The following NLGN1 variants were observed in gnomAD, a reference collection of about 807,000 sequenced individuals.
NLGN1 encodes the protein neuroligin-1.
NLGN1 carries 12 observed loss-of-function variants against 65.5 expected under a neutral mutation model. The observed-to-expected ratio is 0.18, with a 90% CI of 0.12 to 0.30. The LOEUF (loss-of-function observed/expected upper bound fraction) is 0.30. NLGN1 is among the 10% of genes least tolerant of loss of function. The probability of loss-of-function intolerance (pLI) is 1.00; values close to 1 mark genes in which losing one functional copy is unlikely to be tolerated. For synonymous variants in NLGN1, 350 were observed against 359.5 expected, an observed-to-expected ratio of 0.97 and a Z score of 0.30; for missense variants, 750 against 1,007.1, an observed-to-expected ratio of 0.74 and a Z score of 3.46.
chr3:173,578,782 A>C (rs1695207074), intron 2 of NLGN1, among the ~76,000 whole-genome samples: 1 of 152,220 alleles, frequency 6.6e-6, no homozygotes, highest in African/African-American at 2.4e-5. Context: ...TATCAAGAGA[A>C]CCTGCTCTGA....
chr3:174,062,739 TGAAA>T (rs1737685912), intron 4 of NLGN1, among the ~76,000 whole-genome samples: 1 of 152,034 alleles, frequency 6.6e-6, no homozygotes, highest in Non-Finnish European at 1.5e-5. Context: ...ATCTTTGTGA[TGAAA>T]GAAACAATAT....
At chr3:174,230,099 T>C (rs903925108) in intron 4 of NLGN1, among the ~76,000 whole-genome samples, 23 of 152,100 alleles carry the variant, frequency 1.5e-4, no homozygotes, top group Admixed American at 1.2e-3. Context: ...TATGGCAGTG[T>C]GGTGAAATGC....
rs191041602 is a variant in NLGN1 at position 173,576,019 on chromosome 3, T to G, written c.-320-28260T>G. On this transcript the variant is annotated intron_variant, in intron 2 of 6. Coordinates refer to ENST00000457714, the Ensembl canonical transcript of NLGN1. ...GGCCATTGAGCTATTGAAAAGGAAT[T>G]ATTCCAAGTTGAGATGTACTCTAAA... Among the ~76,000 whole-genome samples, 27 of 152,300 alleles carry G rather than the reference T, an allele frequency of 1.8e-4. No homozygotes were observed. The East Asian group carries it at 4.6e-3, about 26-fold the overall frequency.
At chr3:174,211,495 G>C (rs6445157) in intron 4 of NLGN1, among the ~76,000 whole-genome samples, 108,198 of 149,018 alleles carry the variant, frequency 0.73, 39,249 homozygotes, top group East Asian at 0.77. Flanking sequence ...TAAACACAGG[G>C]TGCTGATTGG....
At chr3:174,114,528 A>G (rs1715938166) in intron 4 of NLGN1, among the ~76,000 whole-genome samples, 1 of 152,190 alleles carries the variant, frequency 6.6e-6, no homozygotes, top group Admixed American at 6.5e-5. Flanking sequence ...TGAGGCTTTA[A>G]GTCTCAACCC....
chr3:173,853,035 G>T (rs1418455978), intron 4 of NLGN1, among the ~76,000 whole-genome samples: 2 of 152,050 alleles, frequency 1.3e-5, no homozygotes, highest in Non-Finnish European at 2.9e-5. Flanking sequence ...ACAAGAAATG[G>T]ACCCAATTCT....
chr3:174,123,005 A>G (rs921765357), intron 4 of NLGN1, among the ~76,000 whole-genome samples: 1 of 152,156 alleles, frequency 6.6e-6, no homozygotes, highest in African/African-American at 2.4e-5. Flanking sequence ...TGCAAATATC[A>G]GCTGATATAT....
chr3:173,869,660 G>T (rs988891684), intron 4 of NLGN1, among the ~76,000 whole-genome samples: 1 of 152,138 alleles, frequency 6.6e-6, no homozygotes, highest in African/African-American at 2.4e-5. Flanking sequence ...TGTAAACCCA[G>T]TCTTCTTGGT....
At chr3:173,786,822 A>G in intron 3 of NLGN1, among the ~76,000 whole-genome samples, 1 of 152,212 alleles carries the variant, frequency 6.6e-6, no homozygotes, top group Non-Finnish European at 1.5e-5. Context: ...CACGCCTATA[A>G]TCCCAGCATT....
intron 4 of NLGN1, among the ~76,000 whole-genome samples, chr3:174,196,311 TTTC>T (rs1232159741): frequency 6.6e-6 from 1 of 152,146 alleles, no homozygotes; most frequent in Non-Finnish European, 1.5e-5. Flanking sequence ...ATCTATTTTT[TTTC>T]TCTTTTTTTC....
chr3:173,648,639 A>G (rs541367415), intron 3 of NLGN1, among the ~76,000 whole-genome samples: 9 of 151,728 alleles, frequency 5.9e-5, no homozygotes, highest in East Asian at 5.8e-4. Context: ...CAGGGGCCCT[A>G]TCTCAGCTCA....
At chr3:173,847,593 ATATAT>A (rs1344803614) in intron 4 of NLGN1, among the ~76,000 whole-genome samples, 8 of 152,148 alleles carry the variant, frequency 5.3e-5, no homozygotes, top group South Asian at 2.1e-4. Context: ...GAAGATAAAA[ATATAT>A]TATATTTTAA....
In NLGN1 at chr3:173,410,850, T is replaced by C. The variant is rs571509933; in HGVS notation, c.-390+12363T>C. On this transcript the variant is annotated intron_variant, in intron 1 of 6. Transcript: ENST00000457714. ...TTTTCTGCATTTCAATTCTGATTTTTAAACTCTGGCATATTCTGTACCAAA... is the reference window on the plus strand; with the variant it reads ...TTTTCTGCATTTCAATTCTGATTTTCAAACTCTGGCATATTCTGTACCAAA... Among the ~76,000 whole-genome samples, 7 of 152,388 alleles carry C rather than the reference T, an allele frequency of 4.6e-5. No homozygotes were observed. The South Asian group carries it at 1.4e-3, about 32-fold the overall frequency.
intron 3 of NLGN1, among the ~76,000 whole-genome samples, chr3:173,760,006 T>C (rs985952579): frequency 1.3e-5 from 2 of 151,936 alleles, no homozygotes; most frequent in Non-Finnish European, 2.9e-5. Context: ...ACCATCCTTT[T>C]CAAACGAATT....
chr3:174,177,155 TG>T (rs1308000617), intron 4 of NLGN1, among the ~76,000 whole-genome samples: 1 of 152,134 alleles, frequency 6.6e-6, no homozygotes, highest in Non-Finnish European at 1.5e-5. Flanking sequence ...AGATTTGGGC[TG>T]TATAGACATT....
At chr3:173,512,647 G>T (rs1733173076) in intron 2 of NLGN1, among the ~76,000 whole-genome samples, 1 of 152,212 alleles carries the variant, frequency 6.6e-6, no homozygotes, top group African/African-American at 2.4e-5. Context: ...AATCGGGAGA[G>T]AGTGGACACA....
intron 4 of NLGN1, among the ~76,000 whole-genome samples, chr3:174,187,856 T>C (rs902422779): frequency 6.6e-6 from 1 of 151,922 alleles, no homozygotes; most frequent in Admixed American, 6.6e-5. Flanking sequence ...AGAAGTAATA[T>C]TGTGGGTTTG....
At chr3:174,166,062 T>C (rs935269705) in intron 4 of NLGN1, among the ~76,000 whole-genome samples, 2 of 152,084 alleles carry the variant, frequency 1.3e-5, no homozygotes, top group African/African-American at 4.8e-5. Context: ...CATTTCTGAT[T>C]GGGCTTATTT....
At chr3:173,965,966 G>A (rs1256906736) in intron 4 of NLGN1, among the ~76,000 whole-genome samples, 1 of 151,966 alleles carries the variant, frequency 6.6e-6, no homozygotes, top group Non-Finnish European at 1.5e-5. Flanking sequence ...ACAGGTGTTA[G>A]CAGTACAAAT....
Sources: allele counts gnomAD v4.1 joint callset (sites outside exome capture counted in the v4.1 genomes callset), GRCh38; gene constraint gnomAD v4.1.1; transcripts MANE v1.5; gene names NCBI Gene and HGNC (gene_info 2026-07-23, HGNC 2026-07-21).